Variants in PCDHGA12 observed in about 807,000 individuals in gnomAD.
PCDHGA12 encodes protocadherin gamma subfamily A, 12.
Under a neutral mutation model 61.1 loss-of-function variants are expected in PCDHGA12, and 43 were observed. That is an observed-to-expected ratio of 0.70 (90% CI 0.55 to 0.91). The LOEUF (loss-of-function observed/expected upper bound fraction) is 0.91, where lower values mean the gene tolerates loss of function less well. Ranked by LOEUF, PCDHGA12 falls within the 40% of genes least tolerant of loss-of-function variation. PCDHGA12 has a pLI of 0.00. For synonymous variants in PCDHGA12, 520 were observed against 542.9 expected (o/e 0.96, Z 0.59); for missense variants, 1,236 against 1,227.7 (o/e 1.01, Z -0.10).
At chr5:141,481,718 C>T (rs942120251) in intron 1 of PCDHGA12, among the ~76,000 whole-genome samples, 6 of 152,082 alleles carry the variant, frequency 3.9e-5, no homozygotes, top group East Asian at 1.9e-4. Context: ...CTTTGGGAGG[C>T]GGAGGCGGGC....
chr5:141,443,243 C>T (rs755331096), intron 1 of PCDHGA12, among the ~76,000 whole-genome samples: 9 of 151,618 alleles, frequency 5.9e-5, no homozygotes, highest in Non-Finnish European at 1.0e-4. Flanking sequence ...CACTTTGGGG[C>T]GCCAAGGCGG....
In PCDHGA12 at chr5:141,511,345, TCC is replaced by T; in HGVS notation, c.*178_*179del. 1 of 1,410,484 alleles carries T rather than the reference TCC, an allele frequency of 7.1e-7. No homozygotes were observed. The highest frequency in any genetic ancestry group is 9.4e-7 in the Non-Finnish European group (1 of 1,060,658). The allele number at this position is 1,410,484 out of a possible 1,614,324, so 87.4% of individuals were successfully genotyped here. On this transcript the variant is annotated 3_prime_UTR_variant, in exon 4 of 4. Coordinates refer to ENST00000252085, the MANE Select transcript of PCDHGA12 (RefSeq NM_003735.3). ...AAGTGCCCAGTCAGCACCTACCCCT[TCC>T]CCCCCAGGGGGTTGAATATGCAAAA... is the stretch of plus-strand genomic sequence containing the variant.
intron 1 of PCDHGA12, among the ~76,000 whole-genome samples, chr5:141,453,999 A>C (rs1561953352): frequency 6.6e-6 from 1 of 152,258 alleles, no homozygotes; most frequent in South Asian, 2.1e-4. Flanking sequence ...ATAAACCCAC[A>C]TAACATTTTA....
intron 1 of PCDHGA12, among the ~76,000 whole-genome samples, chr5:141,459,757 G>T (rs1360124889): frequency 6.6e-6 from 1 of 152,162 alleles, no homozygotes; most frequent in Admixed American, 6.6e-5. Flanking sequence ...ATTCTAGTGG[G>T]TGTGTGATAC....
rs1427934561 is a variant in PCDHGA12, at chr5:141,511,140, CAAG to C, written c.2773_2775del (p.Lys925del). The stretch of plus-strand genomic sequence containing the variant: ...AGGCCCCAGCAGGTGGCAATGGCAA[CAAG>C]AAGAAGTCGGGCAAGAAGGAGAAGA... On this transcript the variant is annotated inframe_deletion, in exon 4 of 4. Coordinates refer to ENST00000252085, the MANE Select transcript of PCDHGA12 (RefSeq NM_003735.3). 9 of 1,614,186 alleles carry C rather than the reference CAAG, an allele frequency of 5.6e-6. No individual in the cohort carries two copies. The East Asian group carries it at 6.7e-5, about 12-fold the overall frequency.
chr5:141,478,399 T>C, intron 1 of PCDHGA12: 1 of 1,613,514 alleles, frequency 6.2e-7, no homozygotes, highest in South Asian at 1.1e-5. Flanking sequence ...ATCAGGTGTA[T>C]CTCACCACGG....
At position 141,497,209 on chromosome 5, in the gene PCDHGA12, T is replaced by TG. The variant is rs11343387; in HGVS notation, c.2483+2353dup. On this transcript the variant is annotated intron_variant, in intron 2 of 3. Coordinates refer to ENST00000252085, the MANE Select transcript of PCDHGA12 (RefSeq NM_003735.3). ...GAGGCAGAGAACAATGTGAGTGTAA[T>TG]GGGGGGGGGAAGATCAGAGAAGGCT... Among the ~76,000 whole-genome samples the TG allele has an allele frequency of 1.3e-3, 196 of 151,342 alleles. 1 individual carries two copies. The South Asian group carries it at 0.02, about 15-fold the overall frequency.
chr5:141,510,510 G>C (rs1042950478), intron 3 of PCDHGA12, among the ~76,000 whole-genome samples: 1 of 152,132 alleles, frequency 6.6e-6, no homozygotes, highest in Non-Finnish European at 1.5e-5. Context: ...CTGAGAGCCC[G>C]TGTCACAGCC....
intron 1 of PCDHGA12, among the ~76,000 whole-genome samples, chr5:141,452,455 C>T (rs2098741536): frequency 6.6e-6 from 1 of 152,208 alleles, no homozygotes; most frequent in Non-Finnish European, 1.5e-5. Flanking sequence ...GCCTTGTCAG[C>T]AGACGGAGCT....
chr5:141,504,078 C>T (rs1333392062), intron 2 of PCDHGA12, among the ~76,000 whole-genome samples: 1 of 152,078 alleles, frequency 6.6e-6, no homozygotes, highest in Non-Finnish European at 1.5e-5. Flanking sequence ...CCAGATGGTG[C>T]CAAACAGTTA....
chr5:141,510,995 G>T lies in PCDHGA12; in HGVS notation c.2621G>T (p.Gly874Val). ...STLGGGAGTM[G>V]LSARYGPQFT... is the part of the protein sequence containing the mutation. ...CTGGGAGGGGGTGCCGGCACCATGG[G>T]ATTGAGCGCCCGCTACGGACCCCAG... is the stretch of plus-strand genomic sequence containing the variant. Residue 874 changes from glycine to valine, a missense_variant, in exon 4 of 4, where the codon GGA becomes GTA. Physicochemically the swap from Gly to Val is moderately radical, Grantham distance 109. Coordinates refer to ENST00000252085, the MANE Select transcript of PCDHGA12 (RefSeq NM_003735.3). The T allele has an allele frequency of 6.2e-7, 1 of 1,614,172 alleles. No individual in the cohort carries two copies. Among genetic ancestry groups the T allele is most frequent in the Non-Finnish European group, 8.5e-7 (1 of 1,180,018 alleles).
At chr5:141,458,694 C>G (rs905547768) in intron 1 of PCDHGA12, among the ~76,000 whole-genome samples, 1 of 152,136 alleles carries the variant, frequency 6.6e-6, no homozygotes, top group East Asian at 1.9e-4. Context: ...CTCAGCCTCC[C>G]GAGTAGCTGG....
intron 2 of PCDHGA12, among the ~76,000 whole-genome samples, chr5:141,497,865 A>G (rs1248242691): frequency 2.0e-5 from 3 of 152,168 alleles, no homozygotes; most frequent in Admixed American, 2.0e-4. Flanking sequence ...CAGCGGCTCC[A>G]AAGTGAAATA....
chr5:141,443,392 T>C (rs151260637), intron 1 of PCDHGA12, among the ~76,000 whole-genome samples: 1,653 of 151,736 alleles, frequency 0.011, 7 homozygotes, highest in Middle Eastern at 0.038. Flanking sequence ...GGCTGAGGTG[T>C]GAGGATCACC....
chr5:141,432,722 T>G lies in PCDHGA12; in HGVS notation c.1963T>G (p.Ser655Ala), dbSNP rs2097531915. 6.2e-7 allele frequency: 1 copy of G among 1,613,646 alleles called. No homozygotes were observed. Among genetic ancestry groups the G allele is most frequent in the African/African-American group, 1.3e-5 (1 of 74,900 alleles). ...AVQDHGQPPL[S>A]ATVTLTVAVA... ...CCAGGACCACGGCCAGCCCCCTCTC[T>G]CCGCCACTGTCACGCTCACCGTGGC... The change falls in exon 1 of 4, where the codon TCC (serine) becomes GCC (alanine). Residue 655 changes from serine to alanine, a missense_variant. Coordinates refer to ENST00000252085, the MANE Select transcript of PCDHGA12 (RefSeq NM_003735.3). The surrounding 1 kb of genome is among the most constrained non-coding windows in gnomAD (Gnocchi z 6.0).
At chr5:141,448,449 T>C (rs528049717) in intron 1 of PCDHGA12, among the ~76,000 whole-genome samples, 1 of 152,284 alleles carries the variant, frequency 6.6e-6, no homozygotes, top group South Asian at 2.1e-4. Context: ...CTGACTTCCA[T>C]CCCTATCCTA....
chr5:141,510,420 G>T (rs1275392355), intron 3 of PCDHGA12, among the ~76,000 whole-genome samples: 3 of 152,126 alleles, frequency 2.0e-5, no homozygotes, highest in African/African-American at 7.2e-5. Flanking sequence ...TAAAGCCATG[G>T]TTTCATGGCT....
chr5:141,439,212 T>G (rs1391791892), intron 1 of PCDHGA12, among the ~76,000 whole-genome samples: 1 of 150,642 alleles, frequency 6.6e-6, no homozygotes, highest in Non-Finnish European at 1.5e-5. Context: ...AAAATCCATA[T>G]GTGAAAATTC....
intron 2 of PCDHGA12, among the ~76,000 whole-genome samples, chr5:141,497,487 T>TCTCTCTCTC (rs1223198472): frequency 1.3e-5 from 2 of 151,562 alleles, no homozygotes; most frequent in Non-Finnish European, 2.9e-5. Flanking sequence ...GCGGAACCTC[T>TCTCTCTCTC]CTCTCTCTCC....
Sources: allele counts gnomAD v4.1 joint callset (sites outside exome capture counted in the v4.1 genomes callset), GRCh38; gene constraint gnomAD v4.1.1; non-coding constraint Gnocchi (gnomAD v3.1); transcripts MANE v1.5; gene names NCBI Gene and HGNC (gene_info 2026-07-23, HGNC 2026-07-21).